The following FBXL7 variants were observed in gnomAD, a reference collection of about 807,000 sequenced individuals.
FBXL7 encodes the protein F-box and leucine rich repeat protein 7.
A neutral mutation model predicts 38.3 loss-of-function variants in FBXL7; 12 were observed. The observed-to-expected ratio is 0.31, with a 90% CI of 0.20 to 0.51. The LOEUF is 0.51. FBXL7 is among the 20% of genes least tolerant of loss of function. The pLI, the probability that FBXL7 is intolerant of heterozygous loss-of-function variation, is 0.98. For synonymous variants in FBXL7, 297 were observed against 300.9 expected, an observed-to-expected ratio of 0.99 and a Z score of 0.13; for missense variants, 567 against 676.4, an observed-to-expected ratio of 0.84 and a Z score of 1.79.
At chr5:15,586,834 A>G (rs1442945534) in intron 1 of FBXL7, among the ~76,000 whole-genome samples, 2 of 152,236 alleles carry the variant, frequency 1.3e-5, no homozygotes, top group East Asian at 3.8e-4. Flanking sequence ...GAATTTTAAT[A>G]GAATAGAGAC....
chr5:15,634,308 C>G (rs1174717426), intron 2 of FBXL7, among the ~76,000 whole-genome samples: 8 of 117,882 alleles, frequency 6.8e-5, no homozygotes, highest in African/African-American at 2.2e-4. Flanking sequence ...TTTATATGTT[C>G]GTTTCTTTTT....
At chr5:15,603,021 T>C (rs1739853124) in intron 1 of FBXL7, among the ~76,000 whole-genome samples, 1 of 152,026 alleles carries the variant, frequency 6.6e-6, no homozygotes, top group African/African-American at 2.4e-5. Context: ...TTATATTTTT[T>C]GTCAAGACAT....
chr5:15,766,903 G>GT (rs1736605883), intron 2 of FBXL7, among the ~76,000 whole-genome samples: 1 of 152,208 alleles, frequency 6.6e-6, no homozygotes, highest in Admixed American at 6.5e-5. Context: ...GAAGAATACA[G>GT]TTTTTTACTC....
chr5:15,749,386 T>G (rs980524374), intron 2 of FBXL7, among the ~76,000 whole-genome samples: 5 of 152,050 alleles, frequency 3.3e-5, no homozygotes, highest in East Asian at 3.9e-4. Context: ...CAGCACTTTG[T>G]GAAGCCAAGG....
intron 2 of FBXL7, among the ~76,000 whole-genome samples, chr5:15,903,554 TAG>T (rs1741282723): frequency 6.6e-6 from 1 of 152,318 alleles, no homozygotes; most frequent in African/African-American, 2.4e-5. Flanking sequence ...TTAATTTTAA[TAG>T]AGTTTTTTTT....
intron 1 of FBXL7, among the ~76,000 whole-genome samples, chr5:15,537,335 G>A (rs972039515): frequency 6.6e-6 from 1 of 152,122 alleles, no homozygotes; most frequent in Non-Finnish European, 1.5e-5. Flanking sequence ...TTAAGAAGAA[G>A]TTTTTGAGGC....
intron 2 of FBXL7, among the ~76,000 whole-genome samples, chr5:15,680,752 G>T (rs540503150): frequency 6.6e-6 from 1 of 152,330 alleles, no homozygotes; most frequent in African/African-American, 2.4e-5. Context: ...GGATGCCAAT[G>T]TATTATGTTG....
At chr5:15,794,486 G>C (rs913711165) in intron 2 of FBXL7, among the ~76,000 whole-genome samples, 2 of 152,120 alleles carry the variant, frequency 1.3e-5, no homozygotes, top group South Asian at 2.1e-4. Flanking sequence ...AACAACAAAT[G>C]ACTGAAATTT....
intron 1 of FBXL7, among the ~76,000 whole-genome samples, chr5:15,560,000 G>T (rs1224384728): frequency 6.6e-6 from 1 of 152,260 alleles, no homozygotes; most frequent in Admixed American, 6.5e-5. Context: ...TGATTGTTAG[G>T]TACATGCCTC....
intron 2 of FBXL7, among the ~76,000 whole-genome samples, chr5:15,735,110 T>G (rs1735712146): frequency 6.6e-6 from 1 of 152,150 alleles, no homozygotes; most frequent in African/African-American, 2.4e-5. Context: ...TTTTTGTATT[T>G]TTAGTAGAAA....
In FBXL7 at chr5:15,936,363, G is replaced by A. The variant is rs993614596; in HGVS notation, c.740-87G>A. 52 of 1,489,444 alleles carry A rather than the reference G, an allele frequency of 3.5e-5. No individual in the cohort carries two copies. Among genetic ancestry groups the A allele is most frequent in the South Asian group, 5.3e-5 (4 of 75,976 alleles). 92.3% of individuals were successfully genotyped at this position (1,489,444 alleles called of 1,614,324 possible). A position where few individuals can be genotyped will look rare whatever the true frequency, so the allele number is the denominator to read the frequency against. The stretch of plus-strand genomic sequence containing the variant: ...ATCAGCCTCGGACCCAGACTTGGGC[G>A]AGGGTCAGGAATGCCCCAGGGCATC... On this transcript the variant is annotated intron_variant, in intron 3 of 3. Transcript: ENST00000504595. The surrounding 1 kb of genome is among the most constrained non-coding windows in gnomAD (Gnocchi z 6.0).
chr5:15,648,945 G>A (rs1468163642), intron 2 of FBXL7, among the ~76,000 whole-genome samples: 1 of 149,284 alleles, frequency 6.7e-6, no homozygotes, highest in Non-Finnish European at 1.5e-5. Flanking sequence ...TTAGGAAAAT[G>A]GCCATATTTT....
chr5:15,814,974 C>A (rs139860959), intron 2 of FBXL7, among the ~76,000 whole-genome samples: 4 of 152,264 alleles, frequency 2.6e-5, no homozygotes, highest in South Asian at 2.1e-4. Context: ...AGCAGCCCCA[C>A]TGGTGAGCCC....
At chr5:15,711,301 G>T (rs898381444) in intron 2 of FBXL7, among the ~76,000 whole-genome samples, 8 of 152,172 alleles carry the variant, frequency 5.3e-5, no homozygotes, top group Non-Finnish European at 7.3e-5. Context: ...AACTCTTCAA[G>T]CTCGGCCTCC....
chr5:15,851,150 G>T lies in FBXL7; in HGVS notation c.128-76740G>T, dbSNP rs1447990976. 2.0e-5 allele frequency among the ~76,000 whole-genome samples: 3 copies of T among 152,176 alleles called. No individual in the cohort carries two copies. The South Asian group carries it at 6.2e-4, about 31-fold the overall frequency. ...CACACCCGGCCATTTCCTGAAGAAC[G>T]TGCTGCCAGGTCCGTTCACAATCAC... is the stretch of plus-strand genomic sequence containing the variant. On this transcript the variant is annotated intron_variant, in intron 2 of 3. Coordinates refer to ENST00000504595, the MANE Select transcript of FBXL7 (RefSeq NM_012304.5).
chr5:15,755,182 G>A (rs1390262289), intron 2 of FBXL7, among the ~76,000 whole-genome samples: 1 of 152,124 alleles, frequency 6.6e-6, no homozygotes, highest in Admixed American at 6.5e-5. Context: ...TACCCTGTAA[G>A]CCTTGAAAAA....
chr5:15,781,273 AT>A (rs1341557192), intron 2 of FBXL7, among the ~76,000 whole-genome samples: 6 of 152,166 alleles, frequency 3.9e-5, no homozygotes, highest in African/African-American at 1.4e-4. Flanking sequence ...CGAGAGAGAA[AT>A]TTTTAAAACG....
intron 2 of FBXL7, among the ~76,000 whole-genome samples, chr5:15,734,974 C>T (rs1735708230): frequency 6.6e-6 from 1 of 152,038 alleles, no homozygotes; most frequent in African/African-American, 2.4e-5. Context: ...TCTTGTTGCC[C>T]CCGCTGGAGT....
chr5:15,889,226 T>G (rs1296323503), intron 2 of FBXL7, among the ~76,000 whole-genome samples: 1 of 152,170 alleles, frequency 6.6e-6, no homozygotes, highest in Non-Finnish European at 1.5e-5. Flanking sequence ...CTCTCTGGGC[T>G]TCAGTGGTTA....
Sources: gnomAD v4.1 joint callset for allele counts (sites outside exome capture counted in the v4.1 genomes callset) on GRCh38, gnomAD v4.1.1 for gene constraint, Gnocchi (gnomAD v3.1) non-coding constraint, MANE v1.5 for transcripts, NCBI Gene and HGNC (gene_info 2026-07-23, HGNC 2026-07-21) for gene names.